PXDNL: variants seen among roughly 807,000 people sequenced by gnomAD.
PXDNL encodes the protein peroxidasin like, also known as probable oxidoreductase PXDNL.
In PXDNL, 145 loss-of-function variants were observed where a neutral mutation model predicts 150.8. The observed-to-expected ratio is 0.96, with a 90% CI of 0.84 to 1.10. The LOEUF is 1.10. PXDNL is among the 50% of genes least tolerant of loss of function. The pLI, the probability that PXDNL is intolerant of heterozygous loss-of-function variation, is 0.00. For missense variants in PXDNL, 2,087 were observed against 1,873.9 expected (o/e 1.11, Z -2.10); for synonymous variants, 757 against 725.7 (o/e 1.04, Z -0.69).
intron 19 of PXDNL, among the ~76,000 whole-genome samples, chr8:51,355,226 G>A (rs988365875): frequency 3.3e-5 from 5 of 152,134 alleles, no homozygotes; most frequent in East Asian, 3.8e-4. Context: ...CATGAAATAC[G>A]ATGGTAATAA....
At chr8:51,561,982 C>A (rs1419900041) in intron 3 of PXDNL, among the ~76,000 whole-genome samples, 1 of 151,784 alleles carries the variant, frequency 6.6e-6, no homozygotes, top group South Asian at 2.1e-4. Context: ...AAAACATTGA[C>A]AGTGATAACA....
At chr8:51,400,681 TGACA>T (rs1393890851) in intron 17 of PXDNL, among the ~76,000 whole-genome samples, 1 of 152,212 alleles carries the variant, frequency 6.6e-6, no homozygotes, top group East Asian at 1.9e-4. Flanking sequence ...TCTATAGTGT[TGACA>T]GAATGAGTTT....
chr8:51,580,244 T>C (rs1329246416), intron 3 of PXDNL, among the ~76,000 whole-genome samples: 1 of 152,130 alleles, frequency 6.6e-6, no homozygotes, highest in African/African-American at 2.4e-5. Context: ...ACTGTATCAA[T>C]GCCAGTATTC....
At position 51,449,096 on chromosome 8, in the gene PXDNL, G is replaced by A. The variant is rs750130529; in HGVS notation, c.1272C>T (p.Thr424=). The change falls in exon 11 of 23, where the codon ACC becomes ACT. Residue 424 remains threonine (T), a synonymous_variant. Transcript: ENST00000356297. ...IVQAPPQFTV[T]PKDQVVLEEH... ...CTTCCAGCACCACTTGATCCTTGGG[G>A]GTTACTGTAAATTGTGGAGGAGCTA... 7.1e-6 allele frequency: 11 copies of A among 1,549,858 alleles called. No individual in the cohort carries two copies. The highest frequency in any genetic ancestry group is 2.0e-5 in the Admixed American group (1 of 50,870).
intron 5 of PXDNL, among the ~76,000 whole-genome samples, chr8:51,489,758 A>G (rs1810847763): frequency 6.6e-6 from 1 of 152,240 alleles, no homozygotes; most frequent in Non-Finnish European, 1.5e-5. Flanking sequence ...TAATTTTATA[A>G]CAGACAACCT....
chr8:51,406,300 T>C (rs1808434160), intron 17 of PXDNL, among the ~76,000 whole-genome samples: 1 of 152,230 alleles, frequency 6.6e-6, no homozygotes, highest in Non-Finnish European at 1.5e-5. Flanking sequence ...TAGGATTGCA[T>C]ACATGGCCAC....
rs1322953590 is a variant in PXDNL at position 51,556,927 on chromosome 8, A to C, written c.309-16T>G. Reference sequence around the variant, plus strand: ...ATACAGGTACCTGGAAAATATATAGAATGTCATTAAATTATAAATTAGTAG... The same window carrying C: ...ATACAGGTACCTGGAAAATATATAGCATGTCATTAAATTATAAATTAGTAG... On this transcript the variant is annotated splice_polypyrimidine_tract_variant and intron_variant, in intron 3 of 22. Transcript: ENST00000356297. 1 of 1,388,692 alleles carries C rather than the reference A, an allele frequency of 7.2e-7. No individual in the cohort carries two copies. The highest frequency in any genetic ancestry group is 1.7e-5 in the Admixed American group (1 of 58,728). The allele number at this position is 1,388,692 out of a possible 1,614,324, so 86.0% of individuals were successfully genotyped here.
At chr8:51,498,850 T>G (rs1286312456) in intron 5 of PXDNL, among the ~76,000 whole-genome samples, 1 of 152,198 alleles carries the variant, frequency 6.6e-6, no homozygotes, top group South Asian at 2.1e-4. Context: ...AGTTTCAGCG[T>G]TTAGATTATT....
At chr8:51,413,376 C>A (rs956287328) in intron 14 of PXDNL, 118 bp from the exon 15 acceptor site, 1 of 628,784 alleles carries the variant, frequency 1.6e-6, no homozygotes, top group Non-Finnish European at 2.8e-6. Context: ...ACCTCTAAGA[C>A]AATGAAAATG....
intron 4 of PXDNL, among the ~76,000 whole-genome samples, chr8:51,526,537 T>A (rs1158549393): frequency 1.3e-5 from 2 of 152,082 alleles, no homozygotes; most frequent in Non-Finnish European, 2.9e-5. Context: ...GTATAAAAGC[T>A]AAGGAGAGCT....
intron 21 of PXDNL, among the ~76,000 whole-genome samples, chr8:51,331,953 C>G (rs1044586927): frequency 6.6e-6 from 1 of 152,020 alleles, no homozygotes; most frequent in East Asian, 1.9e-4. Context: ...GTTCTAGGGC[C>G]CAGTCCCTCT....
chr8:51,573,922 C>T (rs557192068), intron 3 of PXDNL, among the ~76,000 whole-genome samples: 1 of 151,990 alleles, frequency 6.6e-6, no homozygotes, highest in Non-Finnish European at 1.5e-5. Flanking sequence ...GATTAGGACA[C>T]AGACACAGAG....
intron 1 of PXDNL, among the ~76,000 whole-genome samples, chr8:51,718,197 AC>A: frequency 6.6e-6 from 1 of 152,098 alleles, no homozygotes; most frequent in East Asian, 2.0e-4. Context: ...TCCCAAGCAG[AC>A]CCCAACACCA....
chr8:51,712,092 G>A lies in PXDNL; in HGVS notation c.165-57332C>T, dbSNP rs112200599. On this transcript the variant is annotated intron_variant, in intron 1 of 22. Coordinates refer to ENST00000356297, the MANE Select transcript of PXDNL (RefSeq NM_144651.5). ...CAATGTATAAGAAACCAGGAACTAG[G>A]AGAGAGACAAGGAAGCAATTATGAG... Among the ~76,000 whole-genome samples, 1,285 of 152,324 alleles carry A rather than the reference G, an allele frequency of 8.4e-3. 11 individuals are homozygous for A. The highest frequency in any genetic ancestry group is 0.014 in the Non-Finnish European group (957 of 68,030).
intron 1 of PXDNL, among the ~76,000 whole-genome samples, chr8:51,668,367 G>A (rs1020970418): frequency 6.6e-6 from 1 of 151,768 alleles, no homozygotes; most frequent in African/African-American, 2.4e-5. Flanking sequence ...TAGAGATGGT[G>A]TTTCACCATG....
At chr8:51,452,479 G>T (rs971723933) in intron 10 of PXDNL, among the ~76,000 whole-genome samples, 8 of 152,194 alleles carry the variant, frequency 5.3e-5, no homozygotes, top group Non-Finnish European at 1.2e-4. Context: ...TATTAAAGGA[G>T]TTGATGCTAA....
At chr8:51,474,273 T>C (rs1810422661) in intron 7 of PXDNL, among the ~76,000 whole-genome samples, 1 of 152,218 alleles carries the variant, frequency 6.6e-6, no homozygotes, top group Non-Finnish European at 1.5e-5. Context: ...TTCATTTATT[T>C]CTATTTAAAC....
At chr8:51,475,560 T>A (rs932295665) in intron 6 of PXDNL, among the ~76,000 whole-genome samples, 10 of 152,136 alleles carry the variant, frequency 6.6e-5, no homozygotes, top group Non-Finnish European at 1.5e-5. Flanking sequence ...GGCCAGGAGT[T>A]TGAGACCAGC....
At chr8:51,544,101 T>C (rs1812293780) in intron 4 of PXDNL, among the ~76,000 whole-genome samples, 1 of 152,214 alleles carries the variant, frequency 6.6e-6, no homozygotes. Context: ...ACAGGATGTG[T>C]ATGTAAAAGG....
Sources: gnomAD v4.1 joint callset for allele counts (sites outside exome capture counted in the v4.1 genomes callset) on GRCh38, gnomAD v4.1.1 for gene constraint, MANE v1.5 for transcripts, NCBI Gene and HGNC (gene_info 2026-07-23, HGNC 2026-07-21) for gene names.